KLHL4: variants seen among roughly 807,000 people sequenced by gnomAD.
KLHL4 encodes the protein kelch-like protein 4.
KLHL4 carries 17 observed loss-of-function variants against 45.8 expected under a neutral mutation model. The observed-to-expected ratio is 0.37, with a 90% CI of 0.25 to 0.56. The LOEUF (loss-of-function observed/expected upper bound fraction) is 0.56. KLHL4 is among the 20% of genes least tolerant of loss of function. The pLI, the probability that KLHL4 is intolerant of heterozygous loss-of-function variation, is 0.79. For missense variants in KLHL4, 544 were observed against 544.9 expected, an observed-to-expected ratio of 1.00 and a Z score of 0.02; for synonymous variants, 224 against 189.9, an observed-to-expected ratio of 1.18 and a Z score of -1.47.
chrX:87,519,658 G>T (rs1404993705), intron 1 of KLHL4, among the ~76,000 whole-genome samples: 1 of 112,244 alleles, frequency 8.9e-6, no homozygotes, highest in African/African-American at 3.2e-5. Context: ...GGGATTGCAG[G>T]TTGCATTTGG....
chrX:87,617,851 TAA>T (rs1399613505), intron 3 of KLHL4, 79 bp from the exon 4 acceptor site: 1 of 763,360 alleles, frequency 1.3e-6, no homozygotes, highest in Non-Finnish European at 1.8e-6. Flanking sequence ...GAGAGGAAAA[TAA>T]AAAAAAAATG....
chrX:87,643,726 C>G (rs1384160145), intron 9 of KLHL4, among the ~76,000 whole-genome samples: 2 of 111,558 alleles, frequency 1.8e-5, no homozygotes, highest in African/African-American at 6.5e-5. Flanking sequence ...AGTTTTATAC[C>G]AGGGATGCAG....
chrX:87,521,899 C>T (rs1033775138), intron 1 of KLHL4, among the ~76,000 whole-genome samples: 1 of 112,702 alleles, frequency 8.9e-6, no homozygotes, highest in Non-Finnish European at 1.9e-5. Flanking sequence ...TCCAGCCATC[C>T]TGTAACCATG....
chrX:87,618,112 C>A lies in KLHL4; in HGVS notation c.908C>A (p.Ala303Glu). Residue 303 changes from alanine to glutamate, a missense_variant, in exon 4 of 11, where the codon GCA (alanine) becomes GAA (glutamate). By Grantham distance (107) the Ala-to-Glu change is moderately radical. Transcript: ENST00000373119. ...GGCTGTACAGAACTTCTGAACGTGG[C>A]ACACAAATACACTATGGTAAAATCA... is the stretch of plus-strand genomic sequence containing the variant. ...AQGCTELLNV[A>E]HKYTMEHFIE... The A allele has an allele frequency of 2.5e-6, 3 of 1,184,423 alleles. No individual in the cohort carries two copies. The highest frequency in any genetic ancestry group is 3.4e-6 in the Non-Finnish European group (3 of 879,435).
chrX:87,657,620 G>T (rs932187758), intron 9 of KLHL4, among the ~76,000 whole-genome samples: 1 of 111,457 alleles, frequency 9.0e-6, no homozygotes, highest in Non-Finnish European at 1.9e-5. Context: ...GTTGTAATGG[G>T]CTGTGCAGGT....
At position 87,580,941 on chromosome X, in the gene KLHL4, G is replaced by A. The variant is rs138205331; in HGVS notation, c.423-32936G>A. Among the ~76,000 whole-genome samples, 342 of 112,023 alleles carry A rather than the reference G, an allele frequency of 3.1e-3. 2 individuals are homozygous for A. Among genetic ancestry groups the A allele is most frequent in the African/African-American group, 0.011 (333 of 30,859 alleles). ...CACTCACATGTATTCTATAGACAGAGCTCTGATCTCTCCCTGGGACAGAGT... is the reference window on the plus strand; with the variant it reads ...CACTCACATGTATTCTATAGACAGAACTCTGATCTCTCCCTGGGACAGAGT... On this transcript the variant is annotated intron_variant, in intron 1 of 10. Coordinates refer to ENST00000373119, the MANE Select transcript of KLHL4 (RefSeq NM_019117.5).
At chrX:87,613,666 A>T (rs1320753015) in intron 1 of KLHL4, among the ~76,000 whole-genome samples, 1 of 111,897 alleles carries the variant, frequency 8.9e-6, no homozygotes, top group Non-Finnish European at 1.9e-5. Context: ...AATAACCAGC[A>T]CACTTCACTT....
rs1235190045 is a variant in KLHL4 at position 87,518,198 on chromosome X, C to G, written c.305C>G (p.Ala102Gly). Residue 102 changes from alanine to glycine, a missense_variant, in exon 1 of 11, where the codon GCA becomes GGA. Coordinates refer to ENST00000373119, the MANE Select transcript of KLHL4 (RefSeq NM_019117.5). ...CATAATCTGATAGTACATTTTCAAGCAAATGAAGATACTCCTAAATCAGTT... is the reference window on the plus strand; with the variant it reads ...CATAATCTGATAGTACATTTTCAAGGAAATGAAGATACTCCTAAATCAGTT... ...QQHNLIVHFQANEDTPKSVPE... is the reference protein window; with the variant it reads ...QQHNLIVHFQGNEDTPKSVPE... 1.7e-6 allele frequency: 2 copies of G among 1,210,948 alleles called. No homozygotes were observed. The highest frequency in any genetic ancestry group is 2.2e-6 in the Non-Finnish European group (2 of 894,802).
chrX:87,643,532 G>A (rs1156387516), intron 9 of KLHL4, among the ~76,000 whole-genome samples: 2 of 111,433 alleles, frequency 1.8e-5, no homozygotes, highest in Non-Finnish European at 1.9e-5. Context: ...GACAGAAAAA[G>A]AAGGAACCCT....
intron 9 of KLHL4, among the ~76,000 whole-genome samples, chrX:87,647,787 A>G (rs1923686281): frequency 9.0e-6 from 1 of 111,314 alleles, no homozygotes; most frequent in Non-Finnish European, 1.9e-5. Flanking sequence ...GTGCACCAAA[A>G]TCTCAGAAAT....
chrX:87,659,731 T>C (rs1376099021), intron 9 of KLHL4, among the ~76,000 whole-genome samples: 1 of 111,854 alleles, frequency 8.9e-6, no homozygotes, highest in East Asian at 2.8e-4. Context: ...AAATTGACTT[T>C]GTTTTTATTT....
intron 1 of KLHL4, among the ~76,000 whole-genome samples, chrX:87,592,015 C>A (rs1245177477): frequency 9.2e-6 from 1 of 108,804 alleles, no homozygotes; most frequent in Non-Finnish European, 1.9e-5. Context: ...CCCCCACTAT[C>A]CTTGCCAGCC....
intron 1 of KLHL4, among the ~76,000 whole-genome samples, chrX:87,551,880 C>T (rs1194904964): frequency 2.7e-5 from 3 of 111,352 alleles, no homozygotes; most frequent in Admixed American, 9.6e-5. Flanking sequence ...ATCCTCATCT[C>T]TCATATTCTA....
intron 1 of KLHL4, among the ~76,000 whole-genome samples, chrX:87,563,946 GACAA>G (rs1932155653): frequency 9.0e-6 from 1 of 110,858 alleles, no homozygotes; most frequent in African/African-American, 3.3e-5. Context: ...GACTTTCTTA[GACAA>G]ACAAAAGCTG....
chrX:87,600,837 C>G (rs1475851106), intron 1 of KLHL4, among the ~76,000 whole-genome samples: 1 of 106,467 alleles, frequency 9.4e-6, no homozygotes, highest in East Asian at 2.8e-4. Flanking sequence ...TGTATCTTCA[C>G]GAAGATTTGA....
intron 1 of KLHL4, among the ~76,000 whole-genome samples, chrX:87,611,674 T>TATACTATACTATACC (rs1922377831): frequency 9.1e-6 from 1 of 109,493 alleles, no homozygotes; most frequent in Non-Finnish European, 1.9e-5. Flanking sequence ...TATACTATAC[T>TATACTATACTATACC]ATACTATACT....
At chrX:87,610,084 TATC>T (rs1195651281) in intron 1 of KLHL4, among the ~76,000 whole-genome samples, 1 of 111,800 alleles carries the variant, frequency 8.9e-6, no homozygotes. Flanking sequence ...TGATTAATCT[TATC>T]ATAGATGCCT....
At chrX:87,566,836 A>G (rs748831945) in intron 1 of KLHL4, among the ~76,000 whole-genome samples, 5 of 111,465 alleles carry the variant, frequency 4.5e-5, no homozygotes, top group Admixed American at 9.6e-5. Flanking sequence ...GATCATTACA[A>G]TCTCTATGCA....
chrX:87,563,135 G>GA (rs1281367775), intron 1 of KLHL4, among the ~76,000 whole-genome samples: 1 of 110,593 alleles, frequency 9.0e-6, no homozygotes, highest in Non-Finnish European at 1.9e-5. Flanking sequence ...TTGAATAACT[G>GA]AAAAAATTCT....
Sources: allele counts gnomAD v4.1 joint callset (sites outside exome capture counted in the v4.1 genomes callset), GRCh38; gene constraint gnomAD v4.1.1; transcripts MANE v1.5; gene names NCBI Gene and HGNC (gene_info 2026-07-23, HGNC 2026-07-21).